The following CD8A variants were observed in gnomAD, a reference collection of about 807,000 sequenced individuals.
CD8A encodes T-cell surface glycoprotein CD8 alpha chain.
In CD8A, 25 loss-of-function variants were observed where a neutral mutation model predicts 24.2. That is an observed-to-expected ratio of 1.03 (90% CI 0.75 to 1.44). CD8A has a LOEUF of 1.44. Ranked by LOEUF, CD8A falls within the 40% of genes most tolerant of loss-of-function variation. The pLI is 0.00. For synonymous variants in CD8A, 165 were observed against 149.9 expected (o/e 1.10, Z -0.74); for missense variants, 360 against 319.7 (o/e 1.13, Z -0.96).
At chr2:86,802,552 C>T (rs1400658099) in intron 2 of CD8A, among the ~76,000 whole-genome samples, 4 of 152,150 alleles carry the variant, frequency 2.6e-5, no homozygotes, top group Admixed American at 6.5e-5. Flanking sequence ...TAAGCATATG[C>T]ACCTATTAAA....
At chr2:86,798,326 C>T (rs1486233806) in intron 3 of CD8A, among the ~76,000 whole-genome samples, 3 of 151,898 alleles carry the variant, frequency 2.0e-5, no homozygotes. Flanking sequence ...CAGGCATGCA[C>T]CACCACGTCC....
rs1168488664 is a variant in CD8A, at chr2:86,785,633, T to C, written c.*287A>G. Reference sequence around the variant, plus strand: ...ATGGGTGCCTCCAGCTCTCTCAGCATGATTCTGAGAACTCTGCGGGTAGCT... The same window carrying C: ...ATGGGTGCCTCCAGCTCTCTCAGCACGATTCTGAGAACTCTGCGGGTAGCT... On this transcript the variant is annotated 3_prime_UTR_variant, in exon 6 of 6. Coordinates refer to ENST00000283635, the MANE Select transcript of CD8A (RefSeq NM_001768.7). 6 of 630,786 alleles carry C rather than the reference T, an allele frequency of 9.5e-6. No homozygotes were observed. Among genetic ancestry groups the C allele is most frequent in the Admixed American group, 2.1e-5 (1 of 47,668 alleles). 39.1% of individuals were successfully genotyped at this position (630,786 alleles called of 1,614,324 possible).
chr2:86,793,015 C>T (rs36226883), upstream of CD8A, among the ~76,000 whole-genome samples: 557 of 152,280 alleles, frequency 3.7e-3, 3 homozygotes, highest in African/African-American at 0.012. Context: ...CACCTGCTCC[C>T]CACAGAAAAC....
chr2:86,802,598 C>T (rs1455523973), intron 2 of CD8A, among the ~76,000 whole-genome samples: 3 of 151,886 alleles, frequency 2.0e-5, no homozygotes, highest in Non-Finnish European at 4.4e-5. Flanking sequence ...TTCATAAGTC[C>T]ATTTGTTTTT....
At chr2:86,787,019 C>CAAAAAAAAAAAAAA (rs745778659) in intron 5 of CD8A, among the ~76,000 whole-genome samples, 1 of 36,548 alleles carries the variant, frequency 2.7e-5, no homozygotes, top group African/African-American at 1.1e-4. Flanking sequence ...GACTCCGTCT[C>CAAAAAAAAAAAAAA]AAAAAAAAAA....
chr2:86,789,420 C>G lies in CD8A; in HGVS notation c.528G>C (p.Gly176=). The change falls in exon 4 of 6, where the codon GGG becomes GGC. Residue 176 remains glycine (G), a synonymous_variant. Coordinates refer to ENST00000283635, the MANE Select transcript of CD8A (RefSeq NM_001768.7). ...PAAGGAVHTR[G]LDFACDIYIW... ...TGTAGATATCACAGGCGAAGTCCAG[C>G]CCCCTCGTGTGCACTGACGACACCA... The G allele has an allele frequency of 6.2e-7, 1 of 1,613,348 alleles. No individual in the cohort carries two copies. The highest frequency in any genetic ancestry group is 8.5e-7 in the Non-Finnish European group (1 of 1,179,248).
chr2:86,788,462 G>T, intron 5 of CD8A, 68 bp downstream of exon 5: 1 of 1,298,752 alleles, frequency 7.7e-7, no homozygotes, highest in Non-Finnish European at 1.1e-6. Context: ...ACTATTTGCT[G>T]CTGGGGAAAC....
Position 86,789,335 on chromosome 2 carries a change from A to G in CD8A, c.613T>C (p.Tyr205His). ...CCTCGGGACTTACTGTGGTTGCAGT[A>G]AAGGGTGATAACCAGTGACAGGAGA... is the stretch of plus-strand genomic sequence containing the variant. ...VLLLSLVITL[Y>H]CNHRNRRRVC... Residue 205 changes from tyrosine (Y) to histidine (H), a missense_variant, in exon 4 of 6, where the codon TAC (tyrosine) becomes CAC (histidine). Physicochemically the swap from Tyr to His is moderately conservative, Grantham distance 83 (BLOSUM62 2). Transcript: ENST00000283635. 1 of 1,606,378 alleles carries G rather than the reference A, an allele frequency of 6.2e-7. No homozygotes were observed. Among genetic ancestry groups the G allele is most frequent in the Non-Finnish European group, 8.5e-7 (1 of 1,172,882 alleles).
rs914685815 is a variant in CD8A, at chr2:86,787,904, T to A, written c.656+626A>T. Among the ~76,000 whole-genome samples the A allele has an allele frequency of 1.3e-4, 19 of 141,150 alleles. No homozygotes were observed. The East Asian group carries it at 1.4e-3, about 10-fold the overall frequency. The allele number at this position is 141,150 out of a possible 152,430, so 92.6% of individuals were successfully genotyped here. ...GAGAGGGAGAGAGAGAGAGAGTGTG[T>A]GTGTGTGTGTGTGTGTGTGTGTGAT... On this transcript the variant is annotated intron_variant, in intron 5 of 5. Coordinates refer to ENST00000283635, the MANE Select transcript of CD8A (RefSeq NM_001768.7).
At chr2:86,793,132 C>A (rs1049902177), upstream of CD8A, among the ~76,000 whole-genome samples, 3 of 152,064 alleles carry the variant, frequency 2.0e-5, no homozygotes, top group Non-Finnish European at 4.4e-5. Flanking sequence ...TTTTTTGCAA[C>A]CTATCTTGTT....
chr2:86,789,711 G>C lies in CD8A; in HGVS notation c.443C>G (p.Pro148Arg). 7.2e-7 allele frequency: 1 copy of C among 1,384,638 alleles called. No homozygotes were observed. Among genetic ancestry groups the C allele is most frequent in the African/African-American group, 1.5e-5 (1 of 66,444 alleles). 85.8% of individuals were successfully genotyped at this position (1,384,638 alleles called of 1,614,324 possible). The change falls in exon 3 of 6, where the codon CCG (proline) becomes CGG (arginine). Residue 148 changes from proline to arginine, a missense_variant. Pro to Arg is a moderately radical substitution (Grantham distance 103, BLOSUM62 -2). Transcript: ENST00000283635. ...TTTPAPRPPTPAPTIASQPLS... is the reference protein window; with the variant it reads ...TTTPAPRPPTRAPTIASQPLS... Reference sequence around the variant, plus strand: ...GGGCTGCGACGCGATGGTGGGCGCCGGTGTTGGTGGTCGCGGCGCTGGCGT... The same window carrying C: ...GGGCTGCGACGCGATGGTGGGCGCCCGTGTTGGTGGTCGCGGCGCTGGCGT...
At chr2:86,798,403 A>C (rs1419894747) in intron 3 of CD8A, among the ~76,000 whole-genome samples, 2 of 152,078 alleles carry the variant, frequency 1.3e-5, no homozygotes, top group African/African-American at 4.8e-5. Flanking sequence ...TCGAACTCCC[A>C]ACCTCAGGTG....
At chr2:86,788,929 G>A (rs762721409) in intron 4 of CD8A, among the ~76,000 whole-genome samples, 3 of 152,178 alleles carry the variant, frequency 2.0e-5, no homozygotes, top group Non-Finnish European at 4.4e-5. Context: ...TGGGCGGTTC[G>A]CCGAAGAGGG....
At chr2:86,804,792 AT>A (rs1401514776) in intron 2 of CD8A, among the ~76,000 whole-genome samples, 2 of 138,766 alleles carry the variant, frequency 1.4e-5, no homozygotes, top group African/African-American at 5.6e-5. Context: ...TCCTTGCTAA[AT>A]CTTTTTTTTT....
upstream of CD8A, among the ~76,000 whole-genome samples, chr2:86,793,815 G>C (rs1223604689): frequency 6.6e-6 from 1 of 152,180 alleles, no homozygotes; most frequent in Non-Finnish European, 1.5e-5. Context: ...TTAGTCTCAC[G>C]GAAATCAGCT....
intron 2 of CD8A, among the ~76,000 whole-genome samples, chr2:86,806,857 GAATT>G (rs755812552): frequency 1.1e-4 from 16 of 152,274 alleles, no homozygotes; most frequent in Non-Finnish European, 2.2e-4. Flanking sequence ...GCACCCAAAA[GAATT>G]AACCATCTTG....
intron 3 of CD8A, among the ~76,000 whole-genome samples, chr2:86,800,355 A>G (rs977746988): frequency 6.6e-6 from 1 of 151,098 alleles, no homozygotes; most frequent in Non-Finnish European, 1.5e-5. Flanking sequence ...CCAGCTACTC[A>G]GGAGGCTGAG....
intron 2 of CD8A, among the ~76,000 whole-genome samples, chr2:86,806,806 C>G (rs867183748): frequency 6.6e-6 from 1 of 152,150 alleles, no homozygotes. Context: ...GAGTGAAAAG[C>G]TTTATGGTGG....
In CD8A at chr2:86,789,635, C is replaced by G; in HGVS notation, c.514+5G>C. ...GCCCCCGCCCCGGGCCCCCGCACGC[C>G]TCACCTGCGCCCCCCGCCGCTGGCC... On this transcript the variant is annotated splice_donor_5th_base_variant and intron_variant, in intron 3 of 5. Transcript: ENST00000283635. The G allele has an allele frequency of 1.3e-6, 2 of 1,485,994 alleles. No homozygotes were observed. The highest frequency in any genetic ancestry group is 1.8e-6 in the Non-Finnish European group (2 of 1,121,104). 92.1% of individuals were successfully genotyped at this position (1,485,994 alleles called of 1,614,324 possible).
Sources: gnomAD v4.1 joint callset for allele counts (sites outside exome capture counted in the v4.1 genomes callset) on GRCh38, gnomAD v4.1.1 for gene constraint, MANE v1.5 for transcripts, NCBI Gene and HGNC (gene_info 2026-07-23, HGNC 2026-07-21) for gene names.